The following DIS3L variants were observed in gnomAD, a reference collection of about 807,000 sequenced individuals.
DIS3L encodes the protein DIS3 like exosome 3'-5' exoribonuclease.
A neutral mutation model predicts 120.3 loss-of-function variants in DIS3L; 100 were observed. The ratio of observed to expected loss-of-function variants is 0.83; its 90% CI spans 0.71 to 0.98. DIS3L has a LOEUF of 0.98. Ranked by LOEUF, DIS3L falls within the 50% of genes least tolerant of loss-of-function variation. The pLI is 0.00. For missense variants in DIS3L, 1,196 were observed against 1,314.2 expected, an observed-to-expected ratio of 0.91 and a Z score of 1.39; for synonymous variants, 426 against 470.6, an observed-to-expected ratio of 0.91 and a Z score of 1.23.
chr15:66,326,451 G>T, intron 12 of DIS3L, 87 bp downstream of exon 12: 1 of 1,391,482 alleles, frequency 7.2e-7, no homozygotes, highest in Non-Finnish European at 9.6e-7. Context: ...GTGACAGCCA[G>T]ATCTTTGACC....
At chr15:66,329,964 C>G (rs1313123164) in intron 14 of DIS3L, 2 of 984,736 alleles carry the variant, frequency 2.0e-6, no homozygotes, top group African/African-American at 3.5e-5. Flanking sequence ...TCTTACCACC[C>G]AGAGCTAACA....
At chr15:66,294,531 C>T (rs997286724) in intron 1 of DIS3L, 3 of 989,550 alleles carry the variant, frequency 3.0e-6, no homozygotes, top group Non-Finnish European at 3.6e-6. Context: ...GTTGCTTGCA[C>T]GGAGCATTTT....
rs773676791 is a variant in DIS3L, at chr15:66,326,202, CAG to C, written c.2040_2041del (p.Val681GlyfsTer2). ...AAGCAGCCCCTGGAAGTCCACGAGACAGTGGCTGAATGCATGATCCTGGCCAA... is the reference window on the plus strand; with the variant it reads ...AAGCAGCCCCTGGAAGTCCACGAGACTGGCTGAATGCATGATCCTGGCCAA... On this transcript the variant is annotated frameshift_variant, in exon 12 of 17. Coordinates refer to ENST00000319212, the MANE Select transcript of DIS3L (RefSeq NM_001143688.3). LOFTEE classifies it high-confidence loss of function. 1.9e-6 allele frequency: 3 copies of C among 1,614,228 alleles called. No individual in the cohort carries two copies.
chr15:66,330,331 T>C, intron 14 of DIS3L: 1 of 985,304 alleles, frequency 1.0e-6, no homozygotes, highest in Non-Finnish European at 1.2e-6. Flanking sequence ...GCTGTTTGAA[T>C]CTGCTTTTTT....
chr15:66,296,478 C>T (rs1236876903), intron 2 of DIS3L, among the ~76,000 whole-genome samples: 1 of 149,246 alleles, frequency 6.7e-6, no homozygotes, highest in Non-Finnish European at 1.5e-5. Context: ...TTTTTAAGCT[C>T]TTAGTTCCAG....
At chr15:66,307,129 T>G (rs1384402646) in intron 3 of DIS3L, among the ~76,000 whole-genome samples, 177 bp downstream of exon 3, 1 of 152,206 alleles carries the variant, frequency 6.6e-6, no homozygotes, top group Non-Finnish European at 1.5e-5. Context: ...TTTGAATATA[T>G]AACTGATACA....
chr15:66,297,267 G>A (rs1038469824), intron 2 of DIS3L, among the ~76,000 whole-genome samples: 4 of 152,284 alleles, frequency 2.6e-5, no homozygotes, highest in East Asian at 3.9e-4. Context: ...TTAAGTGTAA[G>A]TTATTTGACT....
intron 9 of DIS3L, 144 bp downstream of exon 9, chr15:66,320,876 T>C (rs888698320): frequency 1.0e-5 from 11 of 1,077,848 alleles, no homozygotes; most frequent in African/African-American, 6.4e-5. Flanking sequence ...CAATCCTCTT[T>C]ATTCTATATT....
At chr15:66,328,739 A>G (rs960853699) in intron 12 of DIS3L, among the ~76,000 whole-genome samples, 7 of 152,208 alleles carry the variant, frequency 4.6e-5, no homozygotes, top group African/African-American at 9.6e-5. Flanking sequence ...AAATCAGTAC[A>G]TGATTCATTT....
At chr15:66,303,790 C>G (rs1322132654) in intron 2 of DIS3L, among the ~76,000 whole-genome samples, 1 of 152,104 alleles carries the variant, frequency 6.6e-6, no homozygotes, top group Admixed American at 6.6e-5. Flanking sequence ...AAAGCCTGCC[C>G]AAACTGTTAA....
chr15:66,307,002 C>T (rs2092709068), intron 3 of DIS3L, 50 bp downstream of exon 3: 3 of 1,604,846 alleles, frequency 1.9e-6, no homozygotes, highest in Middle Eastern at 1.7e-4. Flanking sequence ...TCTTTCATTT[C>T]CTCATCATTG....
At chr15:66,323,240 C>T (rs1032540276) in intron 10 of DIS3L, among the ~76,000 whole-genome samples, 15 of 152,150 alleles carry the variant, frequency 9.9e-5, no homozygotes, top group East Asian at 1.9e-4. Context: ...TTTTCTTATA[C>T]GACAAAGATT....
chr15:66,296,303 G>GT (rs1355814552), intron 2 of DIS3L, among the ~76,000 whole-genome samples: 1 of 152,012 alleles, frequency 6.6e-6, no homozygotes, highest in African/African-American at 2.4e-5. Flanking sequence ...GAATTTAAAC[G>GT]TTTTTTTCTC....
Position 66,306,882 on chromosome 15 carries a change from G to A in DIS3L, c.352G>A (p.Ala118Thr). ...TGCGCGTCATGATTGCATTCTCTTT[G>A]CTAATGAATTCCAGCAATGCTGCTA... ...KDARHDCILF[A>T]NEFQQCCYLP... The change falls in exon 3 of 17, where the codon GCT becomes ACT. Residue 118 changes from alanine (A) to threonine (T), a missense_variant. Coordinates refer to ENST00000319212, the MANE Select transcript of DIS3L (RefSeq NM_001143688.3). 6.2e-7 allele frequency: 1 copy of A among 1,614,144 alleles called. No individual in the cohort carries two copies. The highest frequency in any genetic ancestry group is 8.5e-7 in the Non-Finnish European group (1 of 1,180,016).
At position 66,320,626 on chromosome 15, in the gene DIS3L, A is replaced by C; in HGVS notation, c.1220A>C (p.Asn407Thr). ...DSWESTSVYP[N>T]GHFVRVLGRI... ...TGGGAGTCAACATCTGTGTATCCAA[A>C]TGGACATTTTGTGCGTGTTTTAGGA... Residue 407 changes from asparagine (N) to threonine (T), a missense_variant, in exon 9 of 17, where the codon AAT (asparagine) becomes ACT (threonine). Physicochemically the swap from Asn to Thr is moderately conservative, Grantham distance 65. Transcript: ENST00000319212. The C allele has an allele frequency of 6.2e-7, 1 of 1,614,108 alleles. No individual in the cohort carries two copies.
rs188416727 is a variant in DIS3L, at chr15:66,317,404, C to T, written c.995-1045C>T. The stretch of plus-strand genomic sequence containing the variant: ...TTTAATTATTAAAGTTTGGTCTCGG[C>T]TTCAGTCAGTGATGATTGAAAGTGT... On this transcript the variant is annotated intron_variant, in intron 7 of 16. Transcript: ENST00000319212. 5.8e-3 allele frequency among the ~76,000 whole-genome samples: 881 copies of T among 151,098 alleles called. 4 individuals carry two copies. The highest frequency in any genetic ancestry group is 0.01 in the Non-Finnish European group (682 of 67,800).
At chr15:66,299,408 T>G (rs1341499759) in intron 2 of DIS3L, among the ~76,000 whole-genome samples, 1 of 152,018 alleles carries the variant, frequency 6.6e-6, no homozygotes, top group Admixed American at 6.6e-5. Context: ...CTGGGCGTGA[T>G]GGTGGGTGCC....
chr15:66,326,094 A>G lies in DIS3L; in HGVS notation c.1931A>G (p.Asp644Gly). Reference protein sequence around the residue: ...DIARHVRAKRDGCGALELEGV... With the variant: ...DIARHVRAKRGGCGALELEGV... ...GCTCGCCATGTCAGAGCTAAACGAG[A>G]CGGATGTGGTGCCCTGGAACTGGAA... is the stretch of plus-strand genomic sequence containing the variant. Residue 644 changes from aspartate (D) to glycine (G), a missense_variant, in exon 12 of 17, where the codon GAC becomes GGC. Physicochemically the swap from Asp to Gly is moderately conservative, Grantham distance 94. Transcript: ENST00000319212. The G allele has an allele frequency of 6.2e-7, 1 of 1,614,186 alleles. No individual in the cohort carries two copies. Among genetic ancestry groups the G allele is most frequent in the East Asian group, 2.2e-5 (1 of 44,884 alleles).
intron 14 of DIS3L, chr15:66,329,688 G>A: frequency 9.5e-7 from 1 of 1,047,254 alleles, no homozygotes; most frequent in Non-Finnish European, 1.2e-6. Context: ...CTTGAGGGCG[G>A]ATCACTTGAG....
Sources: allele counts gnomAD v4.1 joint callset (sites outside exome capture counted in the v4.1 genomes callset), GRCh38; gene constraint gnomAD v4.1.1; transcripts MANE v1.5; gene names NCBI Gene and HGNC (gene_info 2026-07-23, HGNC 2026-07-21).